VAV3: variants seen among roughly 807,000 people sequenced by gnomAD.
The protein encoded by VAV3 is vav guanine nucleotide exchange factor 3.
A neutral mutation model predicts 131.2 loss-of-function variants in VAV3; 94 were observed. The observed-to-expected ratio is 0.72, with a 90% CI of 0.61 to 0.85. The LOEUF (loss-of-function observed/expected upper bound fraction) is 0.85, where lower values mean the gene tolerates loss of function less well. VAV3 is among the 40% of genes least tolerant of loss of function. The pLI is 0.00. For synonymous variants in VAV3, 349 were observed against 342.0 expected, an observed-to-expected ratio of 1.02 and a Z score of -0.22; for missense variants, 939 against 1,002.7, an observed-to-expected ratio of 0.94 and a Z score of 0.86.
intron 6 of VAV3, 99 bp downstream of exon 6, chr1:107,770,537 T>C (rs1664983272): frequency 1.2e-6 from 1 of 811,752 alleles, no homozygotes; most frequent in Admixed American, 2.5e-5. Flanking sequence ...CTCCTAAAAA[T>C]TATAATACAC....
At chr1:107,602,315 C>T in intron 24 of VAV3, 82 bp downstream of exon 24, 4 of 1,041,382 alleles carry the variant, frequency 3.8e-6, no homozygotes, top group East Asian at 3.2e-5. Context: ...GCAAAATTTC[C>T]AAGAAACTAT....
intron 2 of VAV3, among the ~76,000 whole-genome samples, chr1:107,857,167 G>A (rs1444794132): frequency 1.3e-5 from 2 of 152,152 alleles, no homozygotes; most frequent in African/African-American, 4.8e-5. Flanking sequence ...CTTAATCTGG[G>A]TGGGCACCAA....
At chr1:107,671,255 G>T (rs1657771265) in intron 19 of VAV3, among the ~76,000 whole-genome samples, 1 of 152,192 alleles carries the variant, frequency 6.6e-6, no homozygotes, top group African/African-American at 2.4e-5. Context: ...GATATAAGAG[G>T]TAGCTATGAT....
At position 107,869,514 on chromosome 1, in the gene VAV3, A is replaced by C. The variant is rs942660780; in HGVS notation, c.321+5387T>G. ...ACATACACAATTTCATTTAATACTC[A>C]CCTAAACTCAATACATGGATGAGGA... On this transcript the variant is annotated intron_variant, in intron 2 of 26. Transcript: ENST00000370056. Among the ~76,000 whole-genome samples the C allele has an allele frequency of 2.6e-5, 4 of 152,116 alleles. No homozygotes were observed. In the South Asian group the frequency reaches 8.3e-4, roughly 32 times the overall value.
intron 17 of VAV3, among the ~76,000 whole-genome samples, chr1:107,698,999 C>T (rs937186928): frequency 4.6e-5 from 7 of 152,186 alleles, no homozygotes; most frequent in Admixed American, 2.6e-4. Context: ...GATTTGGGTG[C>T]GGACACAGAG....
At chr1:107,602,695 T>G (rs1460259463) in intron 23 of VAV3, among the ~76,000 whole-genome samples, 2 of 151,920 alleles carry the variant, frequency 1.3e-5, no homozygotes, top group Non-Finnish European at 2.9e-5. Flanking sequence ...AGAAGGGAGG[T>G]TGGATTTGAC....
intron 1 of VAV3, among the ~76,000 whole-genome samples, chr1:107,888,741 G>A (rs183766442): frequency 1.5e-4 from 23 of 152,246 alleles, no homozygotes; most frequent in Admixed American, 8.5e-4. Flanking sequence ...TTACAGATAT[G>A]AGCCACTGGG....
At chr1:107,749,393 T>C in intron 14 of VAV3, 69 bp downstream of exon 14, 1 of 1,457,266 alleles carries the variant, frequency 6.9e-7, no homozygotes, top group Non-Finnish European at 9.2e-7. Flanking sequence ...CACATTAATG[T>C]ATTATCATAC....
intron 15 of VAV3, among the ~76,000 whole-genome samples, chr1:107,730,517 T>C (rs1662171077): frequency 6.6e-6 from 1 of 152,120 alleles, no homozygotes; most frequent in Non-Finnish European, 1.5e-5. Context: ...AGGCTCAAAA[T>C]CATATTAGAC....
intron 11 of VAV3, 108 bp downstream of exon 11, chr1:107,757,153 A>ATGTGTG (rs34437461): frequency 4.0e-5 from 24 of 593,122 alleles, no homozygotes; most frequent in African/African-American, 2.1e-4. Context: ...ATGTGTGTAT[A>ATGTGTG]TGTGTGTGTG....
At chr1:107,825,892 G>A (rs1667989378) in intron 2 of VAV3, among the ~76,000 whole-genome samples, 1 of 151,990 alleles carries the variant, frequency 6.6e-6, no homozygotes, top group African/African-American at 2.4e-5. Flanking sequence ...TTACAATGTT[G>A]TAAATTTATC....
At chr1:107,678,700 A>C (rs573428201) in intron 19 of VAV3, among the ~76,000 whole-genome samples, 2 of 152,214 alleles carry the variant, frequency 1.3e-5, no homozygotes, top group East Asian at 3.9e-4. Flanking sequence ...ATTGTAATTC[A>C]ATACAATAAA....
intron 2 of VAV3, among the ~76,000 whole-genome samples, chr1:107,827,332 A>C (rs1668060028): frequency 6.6e-6 from 1 of 152,178 alleles, no homozygotes; most frequent in Non-Finnish European, 1.5e-5. Context: ...TTTAAAGAAC[A>C]ACTTACAAAT....
chr1:107,940,472 A>G (rs1029906971), intron 1 of VAV3, among the ~76,000 whole-genome samples: 1 of 152,226 alleles, frequency 6.6e-6, no homozygotes, highest in Non-Finnish European at 1.5e-5. Flanking sequence ...CATTTGAAAG[A>G]TAGAGAAGGT....
chr1:107,675,600 T>C (rs989130631), intron 19 of VAV3, among the ~76,000 whole-genome samples: 5 of 152,180 alleles, frequency 3.3e-5, no homozygotes, highest in Non-Finnish European at 5.9e-5. Context: ...AAGCAGGTAG[T>C]GGCTTAAATT....
At chr1:107,772,982 T>C (rs1412818497) in intron 4 of VAV3, 139 bp from the exon 5 acceptor site, 10 of 708,980 alleles carry the variant, frequency 1.4e-5, no homozygotes, top group Non-Finnish European at 2.3e-5. Context: ...AAGGTTTACA[T>C]TACAACTTTG....
intron 5 of VAV3, 61 bp downstream of exon 5, chr1:107,772,674 G>T: frequency 1.5e-6 from 2 of 1,374,606 alleles, no homozygotes; most frequent in Non-Finnish European, 2.0e-6. Flanking sequence ...AAATTATTAT[G>T]TTAATTAGCC....
chr1:107,654,724 G>A (rs17019623), intron 19 of VAV3, among the ~76,000 whole-genome samples: 34,297 of 151,738 alleles, frequency 0.23, 5,003 homozygotes, highest in East Asian at 0.45. Flanking sequence ...ATTATATTAT[G>A]GTTTTCACTT....
intron 25 of VAV3, among the ~76,000 whole-genome samples, chr1:107,590,076 A>T (rs1650818114): frequency 6.6e-6 from 1 of 152,210 alleles, no homozygotes; most frequent in African/African-American, 2.4e-5. Context: ...AAGAGACCAC[A>T]CCCAGGGAGA....
Sources: allele counts gnomAD v4.1 joint callset (sites outside exome capture counted in the v4.1 genomes callset), GRCh38; gene constraint gnomAD v4.1.1; transcripts MANE v1.5; gene names NCBI Gene and HGNC (gene_info 2026-07-23, HGNC 2026-07-21).